Variants in CA4 observed in about 807,000 individuals in gnomAD.
CA4 encodes carbonic anhydrase 4.
Under a neutral mutation model 34.5 loss-of-function variants are expected in CA4, and 24 were observed. That is an observed-to-expected ratio of 0.70 (90% CI 0.50 to 0.98). The LOEUF (loss-of-function observed/expected upper bound fraction) is 0.98, where lower values mean the gene tolerates loss of function less well. Ranked by LOEUF, CA4 falls within the 50% of genes least tolerant of loss-of-function variation. The probability of loss-of-function intolerance (pLI) is 0.00; values close to 1 mark genes in which losing one functional copy is unlikely to be tolerated. For missense variants in CA4, 394 were observed against 396.7 expected (o/e 0.99, Z 0.06); for synonymous variants, 178 against 170.6 (o/e 1.04, Z -0.34).
the CA4 span, among the ~76,000 whole-genome samples, chr17:60,177,480 A>T: frequency 6.6e-6 from 1 of 152,218 alleles, no homozygotes. Context: ...TTCATGAATT[A>T]AAAAAATTAA....
At chr17:60,163,225 G>A (rs1022290993), downstream of CA4, among the ~76,000 whole-genome samples, 1 of 152,058 alleles carries the variant, frequency 6.6e-6, no homozygotes, top group South Asian at 2.1e-4. Context: ...CCCATGGTTC[G>A]TGCAGGCTGC....
intron 1 of CA4, among the ~76,000 whole-genome samples, chr17:60,152,030 C>G (rs984022724): frequency 1.3e-5 from 2 of 152,044 alleles, no homozygotes; most frequent in African/African-American, 2.4e-5. Context: ...ATTAGAGAGG[C>G]TTCTTCAGCC....
downstream of CA4, among the ~76,000 whole-genome samples, chr17:60,159,764 C>G (rs1367557640): frequency 6.6e-6 from 1 of 152,196 alleles, no homozygotes; most frequent in Non-Finnish European, 1.5e-5. Context: ...CTGAAGGCAT[C>G]TTGGAGCTTC....
At chr17:60,169,655 A>AT (rs2083895258) in intron 5 of CA4, among the ~76,000 whole-genome samples, 1 of 151,856 alleles carries the variant, frequency 6.6e-6, no homozygotes, top group Admixed American at 6.6e-5. Flanking sequence ...TGCTCAGCTG[A>AT]TTTTTTTGTA....
At chr17:60,167,252 A>G (rs918658309) in intron 5 of CA4, among the ~76,000 whole-genome samples, 5 of 152,152 alleles carry the variant, frequency 3.3e-5, no homozygotes, top group Non-Finnish European at 7.4e-5. Context: ...TGGGTGCAGA[A>G]ATCGCCAGGC....
the CA4 span, among the ~76,000 whole-genome samples, chr17:60,177,842 A>G: frequency 6.6e-6 from 1 of 152,216 alleles, no homozygotes; most frequent in Admixed American, 6.5e-5. Flanking sequence ...ATTACTATCT[A>G]TGAGGAAGAA....
At chr17:60,152,265 C>T (rs961132107) in intron 1 of CA4, among the ~76,000 whole-genome samples, 3 of 152,072 alleles carry the variant, frequency 2.0e-5, no homozygotes, top group Non-Finnish European at 1.5e-5. Context: ...GGGTGGCCCT[C>T]TCATTCAACG....
intron 1 of CA4, among the ~76,000 whole-genome samples, chr17:60,153,325 G>A (rs903505898): frequency 6.6e-6 from 1 of 152,146 alleles, no homozygotes; most frequent in African/African-American, 2.4e-5. Context: ...GCAACAGAGC[G>A]AGACTCTATC....
rs1042518258 is a variant in CA4, at chr17:60,150,229, G to A, written c.58+137G>A. Reference sequence around the variant, plus strand: ...TGGGGTCCCGGGTTGCGTGTGCGCCGGGGGCCGCGAGGGTGCGGGAGGACT... The same window carrying A: ...TGGGGTCCCGGGTTGCGTGTGCGCCAGGGGCCGCGAGGGTGCGGGAGGACT... On this transcript the variant is annotated intron_variant, in intron 1 of 7. Transcript: ENST00000300900. 4.7e-4 allele frequency: 330 copies of A among 703,582 alleles called. 3 individuals carry two copies. In the African/African-American group the frequency reaches 5.9e-3, roughly 13 times the overall value. 43.6% of individuals were successfully genotyped at this position (703,582 alleles called of 1,614,324 possible).
downstream of CA4, among the ~76,000 whole-genome samples, chr17:60,159,723 C>T (rs1019147994): frequency 6.6e-6 from 1 of 152,182 alleles, no homozygotes. Context: ...ACCCCACTCC[C>T]TTCTACCAGG....
chr17:60,163,744 G>A (rs186578028), downstream of CA4, among the ~76,000 whole-genome samples: 2 of 152,166 alleles, frequency 1.3e-5, no homozygotes, highest in Non-Finnish European at 1.5e-5. Flanking sequence ...TGTCAGCTGC[G>A]GCAAGGCCTG....
chr17:60,166,562 T>C (rs1185297594), intron 5 of CA4, among the ~76,000 whole-genome samples: 1 of 152,260 alleles, frequency 6.6e-6, no homozygotes, highest in African/African-American at 2.4e-5. Flanking sequence ...GTGCTTTATA[T>C]AGCACTTAAT....
intron 1 of CA4, among the ~76,000 whole-genome samples, chr17:60,152,719 G>A (rs538714945): frequency 6.6e-6 from 1 of 152,332 alleles, no homozygotes; most frequent in Non-Finnish European, 1.5e-5. Flanking sequence ...ACCTCTGCGG[G>A]TGGGGACATG....
chr17:60,177,976 CT>C, the CA4 span, among the ~76,000 whole-genome samples: 1 of 151,824 alleles, frequency 6.6e-6, no homozygotes, highest in Non-Finnish European at 1.5e-5. Flanking sequence ...GAAAAAAATG[CT>C]ACCTGAAATA....
intron 7 of CA4, 76 bp downstream of exon 7, chr17:60,158,522 A>G: frequency 1.4e-6 from 2 of 1,467,682 alleles, no homozygotes; most frequent in Non-Finnish European, 1.9e-6. Context: ...CTGCCCTCAG[A>G]GGTCCCTCAG....
At chr17:60,172,192 C>A (rs1247529739), downstream of CA4, among the ~76,000 whole-genome samples, 1 of 152,162 alleles carries the variant, frequency 6.6e-6, no homozygotes, top group Non-Finnish European at 1.5e-5. Context: ...ACCATCAGAT[C>A]AGCAGAGAAG....
At chr17:60,162,546 TACACACACAC>T (rs770876140), downstream of CA4, among the ~76,000 whole-genome samples, 47 of 132,226 alleles carry the variant, frequency 3.6e-4, no homozygotes, top group South Asian at 2.5e-4. Flanking sequence ...CTGCATGGGG[TACACACACAC>T]ACACACACAC....
rs146141867 is a variant in CA4 at position 60,159,354 on chromosome 17, C to T, written c.869C>T (p.Pro290Leu). 3,439 of 1,610,694 alleles carry T rather than the reference C, an allele frequency of 2.1e-3. 12 individuals are homozygous for T. Among genetic ancestry groups the T allele is most frequent in the Non-Finnish European group, 2.8e-3 (3,243 of 1,178,798 alleles). ...ATAAAGTCCGGGGCCCCGGGTCGGCCGCTGCCCTGGGCCCTGCCTGCCCTG... is the reference window on the plus strand; with the variant it reads ...ATAAAGTCCGGGGCCCCGGGTCGGCTGCTGCCCTGGGCCCTGCCTGCCCTG... ...TVIKSGAPGR[P>L]LPWALPALLG... Residue 290 changes from proline (P) to leucine (L), a missense_variant, in exon 8 of 8, where the codon CCG becomes CTG. Physicochemically the swap from Pro to Leu is moderately conservative, Grantham distance 98 (BLOSUM62 -3). Transcript: ENST00000300900.
At chr17:60,158,706 C>T in intron 7 of CA4, 1 of 550,502 alleles carries the variant, frequency 1.8e-6, no homozygotes, top group South Asian at 2.0e-5. Flanking sequence ...GAACGAGGCT[C>T]TGGGGAGACA....
Sources: gnomAD v4.1 joint callset for allele counts (sites outside exome capture counted in the v4.1 genomes callset) on GRCh38, gnomAD v4.1.1 for gene constraint, MANE v1.5 for transcripts, NCBI Gene and HGNC (gene_info 2026-07-23, HGNC 2026-07-21) for gene names.